Variants in COL5A2 observed in about 807,000 individuals in gnomAD.
COL5A2 encodes collagen type V alpha 2 chain.
A neutral mutation model predicts 208.2 loss-of-function variants in COL5A2; 23 were observed. The ratio of observed to expected loss-of-function variants is 0.11; its 90% confidence interval spans 0.08 to 0.16. COL5A2 has a LOEUF of 0.16. COL5A2 is among the 10% of genes least tolerant of loss of function. COL5A2 has a pLI of 1.00. For synonymous variants in COL5A2, 625 were observed against 628.5 expected (o/e 0.99, Z 0.08); for missense variants, 1,590 against 1,956.4 (o/e 0.81, Z 3.53).
chr2:189,092,479 C>T lies in COL5A2; in HGVS notation c.457-59G>A, dbSNP rs79251854. 0.013 allele frequency: 13,957 copies of T among 1,042,316 alleles called. 499 individuals carry two copies. Among genetic ancestry groups the T allele is most frequent in the South Asian group, 0.083 (6,118 of 73,942 alleles). The allele number at this position is 1,042,316 out of a possible 1,614,324, so 64.6% of individuals were successfully genotyped here. ...TGCCAAATATACACTTAGTAGAAAG[C>T]TAAAGGCACAGACTTCTTAATGGCA... On this transcript the variant is annotated intron_variant, in intron 6 of 53. Transcript: ENST00000374866.
At chr2:189,276,744 A>G in the COL5A2 span, among the ~76,000 whole-genome samples, 1 of 152,102 alleles carries the variant, frequency 6.6e-6, no homozygotes, top group African/African-American at 2.4e-5. Context: ...TAGATTTAAT[A>G]TATTTTTAAA....
At chr2:189,180,290 T>C (rs747926668), upstream of COL5A2, among the ~76,000 whole-genome samples, 1 of 152,194 alleles carries the variant, frequency 6.6e-6, no homozygotes, top group Non-Finnish European at 1.5e-5. Context: ...AAGGAGATTA[T>C]TAGAATGTTG....
At chr2:189,312,464 G>A in the COL5A2 span, among the ~76,000 whole-genome samples, 3 of 152,174 alleles carry the variant, frequency 2.0e-5, no homozygotes, top group East Asian at 3.9e-4. Context: ...CCGGCCGGGC[G>A]CCGTAGCTGG....
chr2:189,211,673 C>A, intron 1 of COL5A2, among the ~76,000 whole-genome samples: 1 of 151,800 alleles, frequency 6.6e-6, no homozygotes, highest in East Asian at 1.9e-4. Flanking sequence ...AACTAAAAAA[C>A]AATGAAGTAA....
At chr2:189,333,900 A>G in the COL5A2 span, among the ~76,000 whole-genome samples, 1 of 151,890 alleles carries the variant, frequency 6.6e-6, no homozygotes, top group Non-Finnish European at 1.5e-5. Context: ...AAACTGATAC[A>G]GCATACTACT....
intron 1 of COL5A2, among the ~76,000 whole-genome samples, chr2:189,205,623 T>C (rs1341303465): frequency 6.6e-6 from 1 of 152,188 alleles, no homozygotes; most frequent in East Asian, 1.9e-4. Context: ...ATGGAAGCAA[T>C]GTTCCCTAAA....
At chr2:189,185,854 T>A (rs2105839538) in intron 1 of COL5A2, among the ~76,000 whole-genome samples, 1 of 152,258 alleles carries the variant, frequency 6.6e-6, no homozygotes, top group African/African-American at 2.4e-5. Context: ...CATAAATAAA[T>A]ATGATTCCAA....
intron 51 of COL5A2, 70 bp from the exon 52 acceptor site, chr2:189,036,873 T>C: frequency 8.2e-7 from 1 of 1,215,308 alleles, no homozygotes; most frequent in Non-Finnish European, 1.2e-6. Flanking sequence ...TCCAAAAGAA[T>C]TAACAGAGGG....
At chr2:189,439,691 A>G in the COL5A2 span, among the ~76,000 whole-genome samples, 1 of 152,336 alleles carries the variant, frequency 6.6e-6, no homozygotes, top group African/African-American at 2.4e-5. Flanking sequence ...CTTTCTGGGC[A>G]CTTCAGTAAA....
chr2:189,301,832 T>C, the COL5A2 span, among the ~76,000 whole-genome samples: 3 of 152,194 alleles, frequency 2.0e-5, no homozygotes, highest in Non-Finnish European at 4.4e-5. Context: ...CCTAAAAATA[T>C]ATATAGAAAG....
Position 189,075,435 on chromosome 2 carries a change from T to C in COL5A2, c.1062A>G (p.Gly354=). The change falls in exon 17 of 54, where the codon GGA becomes GGG. Residue 354 remains glycine, a splice_region_variant and synonymous_variant. Coordinates refer to ENST00000374866, the MANE Select transcript of COL5A2 (RefSeq NM_000393.5). ...RGRLGPQGAP[G]QRGAHGMPGK... is the part of the protein sequence containing the mutation. ...CAGGCATACCATGTGCACCTCGTTG[T>C]CCCTAATTAAGAGAAAAAGAGACAA... 1.2e-6 allele frequency: 2 copies of C among 1,605,838 alleles called. No individual in the cohort carries two copies. The highest frequency in any genetic ancestry group is 2.7e-5 in the African/African-American group (2 of 74,840).
the COL5A2 span, among the ~76,000 whole-genome samples, chr2:189,440,939 C>A: frequency 6.6e-6 from 1 of 152,124 alleles, no homozygotes; most frequent in Non-Finnish European, 1.5e-5. Context: ...TGTGGAGATT[C>A]TGTAGTAACC....
chr2:189,333,555 A>G, the COL5A2 span, among the ~76,000 whole-genome samples: 30,528 of 152,034 alleles, frequency 0.2, 3,289 homozygotes, highest in South Asian at 0.26. Context: ...CCAAAATTCT[A>G]TGTTGAAGTC....
the COL5A2 span, among the ~76,000 whole-genome samples, chr2:189,351,263 C>A: frequency 6.6e-6 from 1 of 152,194 alleles, no homozygotes; most frequent in Non-Finnish European, 1.5e-5. Context: ...CCTTTCAAAA[C>A]AACCATTGCA....
rs1042954584 is a variant in COL5A2, at chr2:189,198,212, G to T, written c.-42+26936C>A. On this transcript the variant is annotated intron_variant, in intron 1 of 10. Transcript: ENST00000649966. ...TTTTCCACATGGATGCTGGGAGAATGAATGCATAGGATATGTTAACTTTAT... is the reference window on the plus strand; with the variant it reads ...TTTTCCACATGGATGCTGGGAGAATTAATGCATAGGATATGTTAACTTTAT... Among the ~76,000 whole-genome samples the T allele has an allele frequency of 3.9e-5, 6 of 152,272 alleles. No homozygotes were observed. The South Asian group carries it at 1.2e-3, about 32-fold the overall frequency.
intron 31 of COL5A2, among the ~76,000 whole-genome samples, chr2:189,059,158 C>G (rs1466971708): frequency 2.0e-5 from 3 of 151,906 alleles, no homozygotes; most frequent in African/African-American, 4.8e-5. Flanking sequence ...TACTATTTCA[C>G]AAAGATAGAG....
At chr2:189,368,453 A>G in the COL5A2 span, among the ~76,000 whole-genome samples, 15 of 152,206 alleles carry the variant, frequency 9.9e-5, no homozygotes, top group Non-Finnish European at 1.9e-4. Context: ...AGGGGGAAAA[A>G]AAAACACTAG....
chr2:189,207,543 A>C (rs1689156985), intron 1 of COL5A2, among the ~76,000 whole-genome samples: 1 of 152,224 alleles, frequency 6.6e-6, no homozygotes, highest in African/African-American at 2.4e-5. Flanking sequence ...TGCAAAGATC[A>C]ATAACCTGCC....
chr2:189,325,097 C>T, the COL5A2 span, among the ~76,000 whole-genome samples: 4 of 151,530 alleles, frequency 2.6e-5, no homozygotes, highest in Non-Finnish European at 5.9e-5. Flanking sequence ...TGTGCTCACT[C>T]ATAGGTGGGA....
Sources: allele counts gnomAD v4.1 joint callset (sites outside exome capture counted in the v4.1 genomes callset), GRCh38; gene constraint gnomAD v4.1.1; transcripts MANE v1.5; gene names NCBI Gene and HGNC (gene_info 2026-07-23, HGNC 2026-07-21).